ANKFN1: variants seen among roughly 807,000 people sequenced by gnomAD.
The protein encoded by ANKFN1 is ankyrin repeat and fibronectin type III domain containing 1, also known as ankyrin repeat and fibronectin type-III domain-containing protein 1.
A neutral mutation model predicts 108.7 loss-of-function variants in ANKFN1; 74 were observed. The ratio of observed to expected loss-of-function variants is 0.68; its 90% confidence interval spans 0.56 to 0.83. The LOEUF is 0.83. Ranked by LOEUF, ANKFN1 falls within the 40% of genes least tolerant of loss-of-function variation. ANKFN1 has a pLI of 0.00. For missense variants in ANKFN1, 1,505 were observed against 1,382.3 expected, an observed-to-expected ratio of 1.09 and a Z score of -1.41; for synonymous variants, 547 against 516.2, an observed-to-expected ratio of 1.06 and a Z score of -0.81.
In ANKFN1 at chr17:56,514,428, C is replaced by A. The variant is rs2145512585; in HGVS notation, c.*3159C>A. Among the ~76,000 whole-genome samples, 1 of 152,314 alleles carries A rather than the reference C, an allele frequency of 6.6e-6. No individual in the cohort carries two copies. The highest frequency in any genetic ancestry group is 1.9e-4 in the East Asian group (1 of 5,188). On this transcript the variant is annotated 3_prime_UTR_variant, in exon 21 of 21. Transcript: ENST00000682825. ...CCAGGCAGACATAGTGCATGTTGGG[C>A]TACATCTTTGATTTCTTCTTGCTGT... is the stretch of plus-strand genomic sequence containing the variant.
intron 4 of ANKFN1, among the ~76,000 whole-genome samples, chr17:56,126,714 G>A (rs1355616658): frequency 6.6e-6 from 1 of 152,188 alleles, no homozygotes; most frequent in East Asian, 1.9e-4. Flanking sequence ...AGGACCAAAA[G>A]GGGGCACTCT....
intron 4 of ANKFN1, among the ~76,000 whole-genome samples, chr17:56,338,202 A>G (rs2045867723): frequency 6.6e-6 from 1 of 152,158 alleles, no homozygotes; most frequent in Admixed American, 6.5e-5. Context: ...TATCACAAGG[A>G]CAGAAAACCA....
intron 4 of ANKFN1, among the ~76,000 whole-genome samples, chr17:56,075,886 G>A (rs1598089195): frequency 1.3e-5 from 2 of 152,172 alleles, no homozygotes; most frequent in Non-Finnish European, 2.9e-5. Flanking sequence ...GCGAGTGATA[G>A]TTTTTCATCC....
intron 20 of ANKFN1, among the ~76,000 whole-genome samples, chr17:56,501,635 A>G (rs1374027187): frequency 6.6e-6 from 1 of 152,210 alleles, no homozygotes; most frequent in Non-Finnish European, 1.5e-5. Context: ...CTAATATTAT[A>G]GATTTAAGAA....
chr17:56,245,102 T>C (rs1443092598), intron 3 of ANKFN1, among the ~76,000 whole-genome samples: 1 of 152,148 alleles, frequency 6.6e-6, no homozygotes, highest in African/African-American at 2.4e-5. Flanking sequence ...TATTCAGTAG[T>C]CTATTTCTGT....
At chr17:56,210,322 C>A (rs1337219895) in intron 1 of ANKFN1, among the ~76,000 whole-genome samples, 2 of 152,174 alleles carry the variant, frequency 1.3e-5, no homozygotes, top group African/African-American at 4.8e-5. Context: ...CTACACTTTT[C>A]CATGGTGATT....
At chr17:56,346,375 CT>C (rs1358699705) in intron 4 of ANKFN1, among the ~76,000 whole-genome samples, 14 of 152,174 alleles carry the variant, frequency 9.2e-5, no homozygotes, top group African/African-American at 3.1e-4. Flanking sequence ...TATACGGGCT[CT>C]TTTTTGGTTC....
chr17:56,407,931 C>CTTTTTTTTTTTT (rs761975892), intron 8 of ANKFN1, among the ~76,000 whole-genome samples: 7 of 104,640 alleles, frequency 6.7e-5, no homozygotes, highest in Admixed American at 2.6e-4. Flanking sequence ...TCTTTTTTAT[C>CTTTTTTTTTTTT]TTTTTTTTTT....
intron 1 of ANKFN1, among the ~76,000 whole-genome samples, chr17:56,157,165 C>A (rs1466601050): frequency 3.3e-5 from 5 of 152,170 alleles, no homozygotes; most frequent in African/African-American, 1.2e-4. Flanking sequence ...CACTGGTCAC[C>A]TGGCAGGGGA....
chr17:56,255,094 G>C (rs918863665), intron 3 of ANKFN1, among the ~76,000 whole-genome samples: 1 of 152,178 alleles, frequency 6.6e-6, no homozygotes, highest in African/African-American at 2.4e-5. Context: ...AGGTAGCCAT[G>C]GAAGGAATTC....
At chr17:56,133,835 C>A (rs1176501438) in intron 4 of ANKFN1, among the ~76,000 whole-genome samples, 1 of 151,814 alleles carries the variant, frequency 6.6e-6, no homozygotes, top group Non-Finnish European at 1.5e-5. Flanking sequence ...CTTCTGACAC[C>A]AGATGTGCAG....
At chr17:56,429,528 A>T (rs1348773976) in intron 8 of ANKFN1, among the ~76,000 whole-genome samples, 1 of 152,252 alleles carries the variant, frequency 6.6e-6, no homozygotes, top group African/African-American at 2.4e-5. Context: ...CTTTTTCTTC[A>T]ACATAAAAAC....
chr17:56,208,063 G>C (rs1049301936), intron 1 of ANKFN1, among the ~76,000 whole-genome samples: 8 of 152,292 alleles, frequency 5.3e-5, no homozygotes, highest in African/African-American at 1.9e-4. Flanking sequence ...AGACTGGAGT[G>C]CTGTGGAGCG....
chr17:56,175,883 C>T (rs544410194), intron 1 of ANKFN1, among the ~76,000 whole-genome samples: 10 of 112,986 alleles, frequency 8.9e-5, no homozygotes, highest in East Asian at 6.3e-4. Context: ...ACACTTCAGA[C>T]GGTTTGAAAT....
chr17:56,313,025 G>A (rs1194603332), intron 3 of ANKFN1, among the ~76,000 whole-genome samples: 2 of 151,856 alleles, frequency 1.3e-5, no homozygotes, highest in Non-Finnish European at 2.9e-5. Context: ...CATGGTGGTG[G>A]GCGCCTGTAA....
Position 56,289,079 on chromosome 17 carries a change from G to A in ANKFN1, c.54-37142G>A, listed in dbSNP as rs72833834. Among the ~76,000 whole-genome samples the A allele has an allele frequency of 2.3e-3, 349 of 152,286 alleles. 1 individual carries two copies. The highest frequency in any genetic ancestry group is 0.01 in the South Asian group (50 of 4,822). On this transcript the variant is annotated intron_variant, in intron 3 of 20. Coordinates refer to ENST00000682825, the MANE Select transcript of ANKFN1 (RefSeq NM_001370326.1). ...ACCCAAGTGAAAAATGGGGGTTATG[G>A]AAGAATGCAGGGATGGAAAGGCCCT...
chr17:56,226,267 C>T (rs1022786449), intron 2 of ANKFN1, among the ~76,000 whole-genome samples: 3 of 152,108 alleles, frequency 2.0e-5, no homozygotes, highest in African/African-American at 7.2e-5. Flanking sequence ...CATGTGAGAT[C>T]TTGTCGGGTC....
At chr17:56,421,323 A>T (rs2048398633) in intron 8 of ANKFN1, among the ~76,000 whole-genome samples, 1 of 152,158 alleles carries the variant, frequency 6.6e-6, no homozygotes, top group Admixed American at 6.5e-5. Context: ...ACTGGGTGAA[A>T]CGTATGTCAG....
intron 8 of ANKFN1, among the ~76,000 whole-genome samples, chr17:56,436,615 G>A (rs1401108685): frequency 6.6e-6 from 1 of 152,042 alleles, no homozygotes; most frequent in Non-Finnish European, 1.5e-5. Context: ...CCTGAGATCA[G>A]GAGTTCAAGT....
Sources: allele counts gnomAD v4.1 joint callset (sites outside exome capture counted in the v4.1 genomes callset), GRCh38; gene constraint gnomAD v4.1.1; transcripts MANE v1.5; gene names NCBI Gene and HGNC (gene_info 2026-07-23, HGNC 2026-07-21).